The following HS3ST4 variants were observed in gnomAD, a reference collection of about 807,000 sequenced individuals.
HS3ST4 encodes heparan sulfate-glucosamine 3-sulfotransferase 4.
A neutral mutation model predicts 29.2 loss-of-function variants in HS3ST4; 17 were observed. The observed-to-expected ratio is 0.58, with a 90% CI of 0.40 to 0.87. The LOEUF (loss-of-function observed/expected upper bound fraction) is 0.87. Ranked by LOEUF, HS3ST4 falls within the 40% of genes least tolerant of loss-of-function variation. The pLI is 0.00. For synonymous variants in HS3ST4, 314 were observed against 285.7 expected (o/e 1.10, Z -1.00); for missense variants, 627 against 634.5 (o/e 0.99, Z 0.13).
At chr16:25,722,571 A>T (rs929138627) in intron 1 of HS3ST4, among the ~76,000 whole-genome samples, 2 of 152,206 alleles carry the variant, frequency 1.3e-5, no homozygotes, top group Non-Finnish European at 2.9e-5. Flanking sequence ...GGGAAAGGTC[A>T]CAATATTTTA....
chr16:26,042,613 T>C lies in HS3ST4; in HGVS notation c.735-92999T>C, dbSNP rs533072528. On this transcript the variant is annotated intron_variant, in intron 1 of 1. Transcript: ENST00000331351. The stretch of plus-strand genomic sequence containing the variant: ...CAGTTGAATTTACTTACTGTTTTCC[T>C]CCTAAAAGCTTTTTAACATGATCCA... 2.6e-5 allele frequency among the ~76,000 whole-genome samples: 4 copies of C among 152,348 alleles called. No individual in the cohort carries two copies. In the South Asian group the frequency reaches 6.2e-4, roughly 24 times the overall value.
chr16:25,715,172 A>AC (rs1364884742), intron 1 of HS3ST4, among the ~76,000 whole-genome samples: 36 of 151,718 alleles, frequency 2.4e-4, no homozygotes, highest in African/African-American at 8.7e-4. Flanking sequence ...AATACAAAAA[A>AC]TTAGCCGGGC....
intron 1 of HS3ST4, among the ~76,000 whole-genome samples, chr16:25,707,715 T>C (rs1966385030): frequency 6.6e-6 from 1 of 152,196 alleles, no homozygotes; most frequent in African/African-American, 2.4e-5. Flanking sequence ...TTTTCTTTGT[T>C]CCTCTGCTTG....
At chr16:25,905,832 T>C (rs117541872) in intron 1 of HS3ST4, among the ~76,000 whole-genome samples, 1,771 of 152,282 alleles carry the variant, frequency 0.012, 19 homozygotes, top group Middle Eastern at 0.024. Context: ...CTTGAGCCCC[T>C]TGGGGTGACA....
At chr16:25,785,384 C>A (rs982374972) in intron 1 of HS3ST4, among the ~76,000 whole-genome samples, 3 of 152,146 alleles carry the variant, frequency 2.0e-5, no homozygotes, top group Non-Finnish European at 4.4e-5. Flanking sequence ...GGATTCAATT[C>A]GACTCCCTGA....
intron 1 of HS3ST4, among the ~76,000 whole-genome samples, chr16:25,726,709 G>A (rs1375947420): frequency 6.6e-6 from 1 of 152,152 alleles, no homozygotes; most frequent in Non-Finnish European, 1.5e-5. Flanking sequence ...GATGAAATTC[G>A]TGGCATCAGT....
intron 1 of HS3ST4, among the ~76,000 whole-genome samples, chr16:25,893,564 G>A (rs1192028352): frequency 1.3e-5 from 2 of 152,152 alleles, no homozygotes; most frequent in African/African-American, 2.4e-5. Context: ...ATGGACCAGG[G>A]AGGGTTCCCA....
At chr16:26,034,392 G>A (rs545632328) in intron 1 of HS3ST4, among the ~76,000 whole-genome samples, 91 of 152,286 alleles carry the variant, frequency 6.0e-4, no homozygotes, top group African/African-American at 2.1e-3. Context: ...TCAGTACACA[G>A]CGACTGAAGC....
intron 1 of HS3ST4, among the ~76,000 whole-genome samples, chr16:25,725,950 C>T (rs553264221): frequency 6.6e-6 from 1 of 152,262 alleles, no homozygotes; most frequent in South Asian, 2.1e-4. Context: ...CTATGCCTTG[C>T]AGTCAGAAAT....
intron 1 of HS3ST4, among the ~76,000 whole-genome samples, chr16:25,873,826 A>T (rs1227488754): frequency 1.3e-5 from 2 of 152,092 alleles, no homozygotes; most frequent in Non-Finnish European, 2.9e-5. Flanking sequence ...CCATCCATGC[A>T]TCCATCCATC....
At chr16:26,006,719 T>C (rs968884467) in intron 1 of HS3ST4, among the ~76,000 whole-genome samples, 1 of 152,208 alleles carries the variant, frequency 6.6e-6, no homozygotes, top group African/African-American at 2.4e-5. Context: ...GGTTTTACAA[T>C]AGTGATTTCA....
intron 1 of HS3ST4, among the ~76,000 whole-genome samples, chr16:26,049,386 CG>C (rs1324114952): frequency 2.7e-5 from 4 of 148,804 alleles, no homozygotes; most frequent in Non-Finnish European, 6.0e-5. Context: ...GGTCTACATC[CG>C]GAGGTCTACA....
At chr16:26,082,147 A>G (rs1199824659) in intron 1 of HS3ST4, among the ~76,000 whole-genome samples, 1 of 152,170 alleles carries the variant, frequency 6.6e-6, no homozygotes, top group African/African-American at 2.4e-5. Flanking sequence ...TGAATTTCGT[A>G]GGAGTTTTAC....
intron 1 of HS3ST4, among the ~76,000 whole-genome samples, chr16:25,838,885 G>A (rs1216325947): frequency 6.6e-6 from 1 of 152,102 alleles, no homozygotes; most frequent in Non-Finnish European, 1.5e-5. Flanking sequence ...ATTCTCTTTT[G>A]TGATTTGCCT....
chr16:25,897,131 G>T (rs998025371), intron 1 of HS3ST4, among the ~76,000 whole-genome samples: 2 of 152,108 alleles, frequency 1.3e-5, no homozygotes, highest in Non-Finnish European at 2.9e-5. Context: ...ACCTGCACAT[G>T]TGCCCCCAGA....
chr16:25,867,557 T>A (rs1187952399), intron 1 of HS3ST4, among the ~76,000 whole-genome samples: 1 of 152,040 alleles, frequency 6.6e-6, no homozygotes, highest in Non-Finnish European at 1.5e-5. Context: ...ATCTTAGCCT[T>A]CAATAAACAG....
intron 1 of HS3ST4, among the ~76,000 whole-genome samples, chr16:25,976,900 C>T (rs59754479): frequency 0.014 from 2,128 of 149,560 alleles, 46 homozygotes; most frequent in African/African-American, 0.05. Context: ...AGAAACTATT[C>T]TCTGAAATGT....
Position 25,692,927 on chromosome 16 carries a change from T to C in HS3ST4, c.510T>C (p.Asp170=). Residue 170 remains aspartate (D), a synonymous_variant, in exon 1 of 2, where the codon GAT becomes GAC. Transcript: ENST00000331351. ...EAQESSTTDE[D]LAGRRAANGS... ...AGGAGTCCAGCACCACCGACGAGGA[T>C]CTCGCAGGCCGGAGAGCGGCCAACG... The C allele has an allele frequency of 6.2e-7, 1 of 1,605,046 alleles. No homozygotes were observed. The highest frequency in any genetic ancestry group is 8.5e-7 in the Non-Finnish European group (1 of 1,176,574).
In HS3ST4 at chr16:25,873,401, T is replaced by C. The variant is rs368668776; in HGVS notation, c.734+180250T>C. Among the ~76,000 whole-genome samples, 270 of 125,020 alleles carry C rather than the reference T, an allele frequency of 2.2e-3. 4 individuals carry two copies. Among genetic ancestry groups the C allele is most frequent in the Middle Eastern group, 0.017 (4 of 236 alleles). The allele number at this position is 125,020 out of a possible 152,430, so 82.0% of individuals were successfully genotyped here. ...AGTCATCCATCCATCCATCCATCCA[T>C]CCATCCATCCATCCACCCATCCATC... is the stretch of plus-strand genomic sequence containing the variant. On this transcript the variant is annotated intron_variant, in intron 1 of 1. Transcript: ENST00000331351.
Sources: gnomAD v4.1 joint callset for allele counts (sites outside exome capture counted in the v4.1 genomes callset) on GRCh38, gnomAD v4.1.1 for gene constraint, MANE v1.5 for transcripts, NCBI Gene and HGNC (gene_info 2026-07-23, HGNC 2026-07-21) for gene names.